M1AP: variants seen among roughly 807,000 people sequenced by gnomAD.
The protein encoded by M1AP is meiosis 1 arrest protein.
A neutral mutation model predicts 51.2 loss-of-function variants in M1AP; 39 were observed. The ratio of observed to expected loss-of-function variants is 0.76; its 90% confidence interval spans 0.59 to 1.00. The LOEUF (loss-of-function observed/expected upper bound fraction) is 1.00, where lower values mean the gene tolerates loss of function less well. M1AP is among the 50% of genes least tolerant of loss of function. The probability of loss-of-function intolerance (pLI) is 0.00; values close to 1 mark genes in which losing one functional copy is unlikely to be tolerated. For synonymous variants in M1AP, 251 were observed against 249.2 expected (o/e 1.01, Z -0.07); for missense variants, 545 against 641.2 (o/e 0.85, Z 1.62).
At chr2:74,640,804 T>A (rs1683255349) in intron 1 of M1AP, among the ~76,000 whole-genome samples, 1 of 152,210 alleles carries the variant, frequency 6.6e-6, no homozygotes, top group Non-Finnish European at 1.5e-5. Context: ...TGTTTGCCTA[T>A]CATGTAAGCC....
intron 6 of M1AP, 131 bp downstream of exon 6, chr2:74,576,325 G>C (rs1481354648): frequency 2.1e-6 from 2 of 963,352 alleles, no homozygotes; most frequent in African/African-American, 1.6e-5. Flanking sequence ...TGCCATAGCT[G>C]TAACTGCTAC....
At chr2:74,609,436 C>T (rs770583064) in intron 3 of M1AP, among the ~76,000 whole-genome samples, 11 of 152,200 alleles carry the variant, frequency 7.2e-5, no homozygotes, top group Non-Finnish European at 1.6e-4. Context: ...ATAAATACCA[C>T]ATTTTAAAAA....
chr2:74,646,046 T>C (rs1683591846), intron 1 of M1AP, among the ~76,000 whole-genome samples: 1 of 152,242 alleles, frequency 6.6e-6, no homozygotes, highest in Admixed American at 6.5e-5. Context: ...TCAGTATCAA[T>C]AGTATAGTAT....
intron 2 of M1AP, among the ~76,000 whole-genome samples, chr2:74,624,267 A>G (rs1475103413): frequency 6.6e-6 from 1 of 152,246 alleles, no homozygotes. Flanking sequence ...AAGGGATAAA[A>G]AATTGGTAAT....
intron 8 of M1AP, among the ~76,000 whole-genome samples, chr2:74,560,743 A>G (rs1677867719): frequency 6.6e-6 from 1 of 152,106 alleles, no homozygotes; most frequent in African/African-American, 2.4e-5. Context: ...CAGGAGCACA[A>G]CATTCCTGTG....
At chr2:74,588,185 T>C (rs1679829207) in intron 4 of M1AP, among the ~76,000 whole-genome samples, 1 of 152,200 alleles carries the variant, frequency 6.6e-6, no homozygotes. Flanking sequence ...TTGGGTGTCA[T>C]GGATGGGCTT....
At chr2:74,572,341 C>G (rs751887311) in intron 7 of M1AP, among the ~76,000 whole-genome samples, 13 of 152,186 alleles carry the variant, frequency 8.5e-5, no homozygotes, top group African/African-American at 1.9e-4. Flanking sequence ...TTCCCACCCC[C>G]CCTAAGCAGT....
intron 5 of M1AP, among the ~76,000 whole-genome samples, chr2:74,580,433 G>T (rs1679330594): frequency 6.6e-6 from 1 of 152,134 alleles, no homozygotes. Context: ...TTTACACAAA[G>T]AAAAGACAGA....
At position 74,612,698 on chromosome 2, in the gene M1AP, A is replaced by G. The variant is rs549929847; in HGVS notation, c.426+2266T>C. 1.1e-4 allele frequency among the ~76,000 whole-genome samples: 17 copies of G among 151,996 alleles called. No homozygotes were observed. In the South Asian group the frequency reaches 2.3e-3, roughly 20 times the overall value. The stretch of plus-strand genomic sequence containing the variant: ...TGCTCTATCTCATAAGTTTTGGTAT[A>G]TTGTATATCCATTTTCATTTGACTC... On this transcript the variant is annotated intron_variant, in intron 3 of 10. Coordinates refer to ENST00000421985, the MANE Select transcript of M1AP (RefSeq NM_001321739.2).
intron 4 of M1AP, among the ~76,000 whole-genome samples, chr2:74,589,358 T>A (rs1286212970): frequency 6.6e-6 from 1 of 152,216 alleles, no homozygotes; most frequent in Non-Finnish European, 1.5e-5. Flanking sequence ...CACTCATGTA[T>A]CAACAGGGGT....
At chr2:74,561,720 A>T (rs1453847119) in intron 8 of M1AP, among the ~76,000 whole-genome samples, 1 of 152,048 alleles carries the variant, frequency 6.6e-6, no homozygotes, top group Non-Finnish European at 1.5e-5. Flanking sequence ...GGGCAGGAGA[A>T]CCAGTCTGCG....
intron 4 of M1AP, among the ~76,000 whole-genome samples, chr2:74,588,956 T>G (rs867109395): frequency 6.6e-6 from 1 of 152,232 alleles, no homozygotes; most frequent in African/African-American, 2.4e-5. Flanking sequence ...TTGCCTACTT[T>G]CGTGGCTTAC....
chr2:74,603,455 GACC>G (rs1680789343), intron 4 of M1AP, among the ~76,000 whole-genome samples: 1 of 152,226 alleles, frequency 6.6e-6, no homozygotes, highest in South Asian at 2.1e-4. Context: ...ACGTGGTAGA[GACC>G]ACAAGTGATG....
In M1AP at chr2:74,575,448, T is replaced by C. The variant is rs940642349; in HGVS notation, c.1064A>G (p.His355Arg). 6.2e-7 allele frequency: 1 copy of C among 1,614,132 alleles called. No individual in the cohort carries two copies. Among genetic ancestry groups the C allele is most frequent in the Non-Finnish European group, 8.5e-7 (1 of 1,180,010 alleles). ...TNQQHFHALCHSLLKREWLLL... is the reference protein window; with the variant it reads ...TNQQHFHALCRSLLKREWLLL... ...GACATGGGTACTCACCAGCAGGCTG[T>C]GACACAAAGCATGGAAATGTTGCTG... The change falls in exon 7 of 11, where the codon CAC (histidine) becomes CGC (arginine). Residue 355 changes from histidine to arginine, a missense_variant. By Grantham distance (29) the His-to-Arg change is conservative. Transcript: ENST00000421985.
chr2:74,580,044 G>A (rs1252751338), intron 5 of M1AP, among the ~76,000 whole-genome samples: 1 of 152,030 alleles, frequency 6.6e-6, no homozygotes, highest in East Asian at 1.9e-4. Context: ...TGGCTTCAAC[G>A]GATCCTCCCA....
chr2:74,641,311 T>C (rs1683285450), intron 1 of M1AP, among the ~76,000 whole-genome samples: 1 of 152,204 alleles, frequency 6.6e-6, no homozygotes, highest in Non-Finnish European at 1.5e-5. Flanking sequence ...TGGCTACTTA[T>C]ACTTATCCCC....
At chr2:74,631,179 G>C (rs184490184) in intron 2 of M1AP, among the ~76,000 whole-genome samples, 1 of 152,148 alleles carries the variant, frequency 6.6e-6, no homozygotes, top group African/African-American at 2.4e-5. Context: ...AGATATGTTT[G>C]TTTTTAGTTA....
chr2:74,620,312 GA>G (rs1681927714), intron 2 of M1AP, among the ~76,000 whole-genome samples: 1 of 152,234 alleles, frequency 6.6e-6, no homozygotes, highest in Non-Finnish European at 1.5e-5. Context: ...CGAAAGATGA[GA>G]GGAACAAAGG....
intron 4 of M1AP, among the ~76,000 whole-genome samples, chr2:74,593,560 T>C (rs1680164796): frequency 6.6e-6 from 1 of 152,092 alleles, no homozygotes; most frequent in Non-Finnish European, 1.5e-5. Context: ...TTTGTATTTT[T>C]AGTAGAGACA....
Sources: allele counts gnomAD v4.1 joint callset (sites outside exome capture counted in the v4.1 genomes callset), GRCh38; gene constraint gnomAD v4.1.1; transcripts MANE v1.5; gene names NCBI Gene and HGNC (gene_info 2026-07-23, HGNC 2026-07-21).